AXIN1: variants seen among roughly 807,000 people sequenced by gnomAD.
AXIN1 encodes axin-1.
In AXIN1, 30 loss-of-function variants were observed where a neutral mutation model predicts 76.4. That is an observed-to-expected ratio of 0.39 (90% CI 0.29 to 0.53). The LOEUF (loss-of-function observed/expected upper bound fraction) is 0.53. Among genes scored for constraint, AXIN1 ranks in the 20% least tolerant of loss-of-function variants. The probability of loss-of-function intolerance (pLI) is 0.66; values close to 1 mark genes in which losing one functional copy is unlikely to be tolerated. For synonymous variants in AXIN1, 545 were observed against 501.4 expected (o/e 1.09, Z -1.16); for missense variants, 1,140 against 1,198.8 (o/e 0.95, Z 0.72).
chr16:297,931 G>C lies in AXIN1; in HGVS notation c.1575C>G (p.Asp525Glu), dbSNP rs1805102. ...KHVPKSGAKLDAAGLHHHRHV... is the reference protein window; with the variant it reads ...KHVPKSGAKLEAAGLHHHRHV... ...GTCGGTGGTGGTGCAGGCCGGCCGC[G>C]TCCAGCTTCGCCCCTGACTTGGGTA... Residue 525 changes from aspartate (D) to glutamate (E), a missense_variant, in exon 6 of 11, where the codon GAC becomes GAG. Asp to Glu is a conservative substitution (Grantham distance 45). This residue lies in a region of AXIN1 where 708 missense variants were observed against 776.9 expected (regional missense o/e 0.91). Transcript: ENST00000262320. The C allele has an allele frequency of 1.2e-6, 2 of 1,600,538 alleles. No homozygotes were observed. The highest frequency in any genetic ancestry group is 1.7e-6 in the Non-Finnish European group (2 of 1,173,456).
At chr16:320,098 A>C (rs551290963) in intron 2 of AXIN1, among the ~76,000 whole-genome samples, 9 of 152,220 alleles carry the variant, frequency 5.9e-5, no homozygotes, top group Non-Finnish European at 1.0e-4. Context: ...ACAGCCCCCC[A>C]CACACTCACA....
At chr16:294,509 C>T (rs1462404986) in intron 7 of AXIN1, among the ~76,000 whole-genome samples, 7 of 147,644 alleles carry the variant, frequency 4.7e-5, no homozygotes, top group East Asian at 4.0e-4. Context: ...AATCCCAGCA[C>T]GCTGGGAGGC....
chr16:310,117 G>A, intron 3 of AXIN1, 48 bp from the exon 4 acceptor site: 2 of 1,543,844 alleles, frequency 1.3e-6, no homozygotes, highest in Non-Finnish European at 8.8e-7. Flanking sequence ...GAGCAGGAGG[G>A]CCAGCACCGT....
At chr16:292,677 A>G (rs2052599144) in intron 8 of AXIN1, 1 of 152,206 alleles carries the variant, frequency 6.6e-6, no homozygotes, top group South Asian at 2.1e-4. Flanking sequence ...TCAAAGAGAC[A>G]CTGATCTGTG....
chr16:344,429 C>CAAAAA (rs71139776), intron 2 of AXIN1, among the ~76,000 whole-genome samples: 2 of 117,464 alleles, frequency 1.7e-5, no homozygotes, highest in South Asian at 2.9e-4. Context: ...GACTCCATCT[C>CAAAAA]AAAAAAAAAA....
At position 288,351 on chromosome 16, in the gene AXIN1, C is replaced by A. The variant is rs191117453; in HGVS notation, c.2463-103G>T. On this transcript the variant is annotated intron_variant, in intron 10 of 10. Transcript: ENST00000262320. ...GTCCACACCCCATCCCGAGGAGCCT[C>A]CTGTCCATGCCCCACGGCCCCCACT... The A allele has an allele frequency of 2.0e-3, 3,119 of 1,548,792 alleles. 35 individuals carry two copies. The highest frequency in any genetic ancestry group is 0.02 in the East Asian group (880 of 44,198).
At chr16:288,385 G>A (rs1010092682) in intron 10 of AXIN1, 137 bp from the exon 11 acceptor site, 17 of 1,307,738 alleles carry the variant, frequency 1.3e-5, no homozygotes, top group Admixed American at 7.4e-5. Flanking sequence ...CTGCATGTGC[G>A]CCCCCTCCCA....
chr16:348,827 A>C (rs543210404), intron 1 of AXIN1, among the ~76,000 whole-genome samples: 1 of 152,108 alleles, frequency 6.6e-6, no homozygotes, highest in South Asian at 2.1e-4. Flanking sequence ...GGCCGGGCAC[A>C]GTGGCTCACA....
At chr16:318,672 C>A (rs948798723) in intron 2 of AXIN1, among the ~76,000 whole-genome samples, 1 of 152,208 alleles carries the variant, frequency 6.6e-6, no homozygotes, top group Non-Finnish European at 1.5e-5. Flanking sequence ...CCTGCCTGTG[C>A]GTGCGCCTAT....
intron 2 of AXIN1, among the ~76,000 whole-genome samples, chr16:341,636 G>C (rs1195073151): frequency 6.6e-6 from 1 of 152,204 alleles, no homozygotes; most frequent in African/African-American, 2.4e-5. Flanking sequence ...CGGGCGCACG[G>C]CACGGGACTG....
At chr16:328,474 T>C (rs2053626284) in intron 2 of AXIN1, among the ~76,000 whole-genome samples, 1 of 150,978 alleles carries the variant, frequency 6.6e-6, no homozygotes, top group Non-Finnish European at 1.5e-5. Context: ...GGCGGGCGGA[T>C]CACCTGAGGT....
rs1159387997 is a variant in AXIN1 at position 293,967 on chromosome 16, C to T, written c.1956-249G>A. Among the ~76,000 whole-genome samples the T allele has an allele frequency of 2.7e-5, 4 of 149,164 alleles. No homozygotes were observed. Among genetic ancestry groups the T allele is most frequent in the African/African-American group, 7.3e-5 (3 of 41,268 alleles). On this transcript the variant is annotated intron_variant, in intron 7 of 10. Transcript: ENST00000262320. The surrounding 1 kb of genome is among the most constrained non-coding windows in gnomAD (Gnocchi z 4.6). Reference sequence around the variant, plus strand: ...CCGAGGCGGGCAGATCACCAGAGGTCGGGAGTTCGAGATCAACCTAACATG... The same window carrying T: ...CCGAGGCGGGCAGATCACCAGAGGTTGGGAGTTCGAGATCAACCTAACATG...
intron 2 of AXIN1, among the ~76,000 whole-genome samples, chr16:343,000 T>C (rs1386385629): frequency 1.3e-5 from 2 of 152,178 alleles, no homozygotes; most frequent in Non-Finnish European, 2.9e-5. Flanking sequence ...CAGCCTGGAC[T>C]TCATGCCCTG....
intron 9 of AXIN1, chr16:290,895 A>G: frequency 2.0e-6 from 1 of 498,648 alleles, no homozygotes; most frequent in Non-Finnish European, 3.7e-6. Flanking sequence ...TCTGCCCCAC[A>G]GGAAGCCTGG....
chr16:317,463 C>T (rs918743279), intron 2 of AXIN1, among the ~76,000 whole-genome samples: 6 of 152,240 alleles, frequency 3.9e-5, no homozygotes, highest in Non-Finnish European at 8.8e-5. Context: ...ATGTCAGGCC[C>T]CTGCCAGGGC....
At chr16:316,183 CCA>C (rs1046777881) in intron 2 of AXIN1, among the ~76,000 whole-genome samples, 4 of 152,074 alleles carry the variant, frequency 2.6e-5, no homozygotes, top group African/African-American at 9.7e-5. Context: ...TTTATATGCT[CCA>C]GTTTTTTTTA....
At chr16:323,545 G>A (rs2053510684) in intron 2 of AXIN1, among the ~76,000 whole-genome samples, 1 of 151,886 alleles carries the variant, frequency 6.6e-6, no homozygotes. Flanking sequence ...ACTTTGGGAG[G>A]CCGAGGCGGG....
intron 2 of AXIN1, among the ~76,000 whole-genome samples, chr16:343,600 G>T (rs1248864510): frequency 6.6e-6 from 1 of 151,380 alleles, no homozygotes; most frequent in Non-Finnish European, 1.5e-5. Flanking sequence ...CTACTCGGGA[G>T]GCTGAGGCAG....
chr16:344,227 C>T (rs893834224), intron 2 of AXIN1, among the ~76,000 whole-genome samples: 6 of 151,786 alleles, frequency 4.0e-5, no homozygotes, highest in African/African-American at 7.3e-5. Context: ...GTCAGGAGAT[C>T]GAGACCATCC....
Sources: allele counts gnomAD v4.1 joint callset (sites outside exome capture counted in the v4.1 genomes callset), GRCh38; gene constraint gnomAD v4.1.1; regional missense constraint gnomAD v4.1.1; non-coding constraint Gnocchi (gnomAD v3.1); transcripts MANE v1.5; gene names NCBI Gene and HGNC (gene_info 2026-07-23, HGNC 2026-07-21).